NIBAN1: variants seen among roughly 807,000 people sequenced by gnomAD.
The protein encoded by NIBAN1 is niban apoptosis regulator 1.
In NIBAN1, 81 loss-of-function variants were observed where a neutral mutation model predicts 75.1. That is an observed-to-expected ratio of 1.08 (90% CI 0.90 to 1.30). The LOEUF is 1.30. Among genes scored for constraint, NIBAN1 ranks in the 50% most tolerant of loss-of-function variants. The pLI is 0.00. For missense variants in NIBAN1, 1,133 were observed against 1,128.1 expected (o/e 1.00, Z -0.06); for synonymous variants, 436 against 424.8 (o/e 1.03, Z -0.32).
chr1:184,910,206 A>T (rs1571566437), intron 1 of NIBAN1, among the ~76,000 whole-genome samples: 1 of 152,150 alleles, frequency 6.6e-6, no homozygotes, highest in South Asian at 2.1e-4. Flanking sequence ...ATGAAGTAGA[A>T]CTGTAAATAA....
Position 184,795,946 on chromosome 1 carries a change from T to A in NIBAN1, c.1818A>T (p.Pro606=), listed in dbSNP as rs1653849135. The A allele has an allele frequency of 6.2e-7, 1 of 1,614,074 alleles. No individual in the cohort carries two copies. The highest frequency in any genetic ancestry group is 8.5e-7 in the Non-Finnish European group (1 of 1,180,036). Residue 606 remains proline, a synonymous_variant, in exon 14 of 14, where the codon CCA becomes CCT. Coordinates refer to ENST00000367511, the MANE Select transcript of NIBAN1 (RefSeq NM_052966.4). ...TGAGGGTCTCACTACCCAGAACTCCTGGCAGAATGGCAGAAGCTCTCCTGG... is the reference window on the plus strand; with the variant it reads ...TGAGGGTCTCACTACCCAGAACTCCAGGCAGAATGGCAGAAGCTCTCCTGG... ...SPARRASAIL[P]GVLGSETLSN... is the part of the protein sequence containing the mutation.
At chr1:184,806,090 A>G (rs1272996780) in intron 10 of NIBAN1, 34 bp from the exon 11 acceptor site, 4 of 1,575,886 alleles carry the variant, frequency 2.5e-6, no homozygotes, top group Non-Finnish European at 3.5e-6. Flanking sequence ...AACAGACAAC[A>G]GTCAGGGGCT....
In NIBAN1 at chr1:184,803,753, C is replaced by A. The variant is rs1028859316; in HGVS notation, c.1447-61G>T. ...TACAATCTGTTGACTTATGTTTACT[C>A]AAAAAACTCAGCCACCCACTTCACC... On this transcript the variant is annotated intron_variant, in intron 11 of 13. Coordinates refer to ENST00000367511, the MANE Select transcript of NIBAN1 (RefSeq NM_052966.4). 108 of 1,480,048 alleles carry A rather than the reference C, an allele frequency of 7.3e-5. No individual in the cohort carries two copies. In the African/African-American group the frequency reaches 1.4e-3, roughly 19 times the overall value. 91.7% of individuals were successfully genotyped at this position (1,480,048 alleles called of 1,614,324 possible).
chr1:184,903,009 G>A (rs1250734063), intron 1 of NIBAN1, among the ~76,000 whole-genome samples: 2 of 152,176 alleles, frequency 1.3e-5, no homozygotes, highest in Non-Finnish European at 2.9e-5. Flanking sequence ...GCCCACAGGG[G>A]CCACACAAAA....
intron 8 of NIBAN1, among the ~76,000 whole-genome samples, chr1:184,822,377 C>T (rs1465980677): frequency 2.0e-5 from 3 of 152,164 alleles, no homozygotes; most frequent in African/African-American, 7.2e-5. Context: ...AATATTTGTG[C>T]CTTTGTGGTC....
chr1:184,829,744 G>A lies in NIBAN1; in HGVS notation c.717+2103C>T, dbSNP rs144241688. Among the ~76,000 whole-genome samples the A allele has an allele frequency of 2.0e-3, 299 of 152,240 alleles. 3 individuals carry two copies. Among genetic ancestry groups the A allele is most frequent in the African/African-American group, 7.0e-3 (290 of 41,558 alleles). ...GCCTCCCAAAGTGCTAAGATTACAA[G>A]CGTGAGCCACTGCGCCTGGCCTAAA... On this transcript the variant is annotated intron_variant, in intron 6 of 13. Transcript: ENST00000367511.
chr1:184,895,977 G>T (rs564545116), intron 2 of NIBAN1, among the ~76,000 whole-genome samples: 1 of 152,230 alleles, frequency 6.6e-6, no homozygotes, highest in African/African-American at 2.4e-5. Context: ...GCACACTTAG[G>T]TTGGTTCCAT....
chr1:184,810,910 G>A (rs938086882), intron 9 of NIBAN1, among the ~76,000 whole-genome samples: 7 of 152,204 alleles, frequency 4.6e-5, no homozygotes, highest in Non-Finnish European at 1.0e-4. Flanking sequence ...TCCCAGGAGC[G>A]CTGAGTGAAC....
intron 6 of NIBAN1, among the ~76,000 whole-genome samples, chr1:184,830,122 G>T (rs1571500131): frequency 6.6e-6 from 1 of 152,220 alleles, no homozygotes; most frequent in African/African-American, 2.4e-5. Context: ...TCACTTAGCT[G>T]TTATATGCTT....
At chr1:184,852,978 T>C (rs749842572) in intron 5 of NIBAN1, among the ~76,000 whole-genome samples, 5 of 152,196 alleles carry the variant, frequency 3.3e-5, no homozygotes, top group Non-Finnish European at 7.3e-5. Flanking sequence ...GTTATTTCCA[T>C]TGGACTTACC....
At chr1:184,814,149 T>G (rs1282279418) in intron 9 of NIBAN1, among the ~76,000 whole-genome samples, 1 of 152,164 alleles carries the variant, frequency 6.6e-6, no homozygotes, top group Non-Finnish European at 1.5e-5. Context: ...TTATAAAAAA[T>G]TAACTGTAAG....
chr1:184,814,532 T>C (rs1490179771), intron 9 of NIBAN1, among the ~76,000 whole-genome samples: 1 of 152,218 alleles, frequency 6.6e-6, no homozygotes, highest in Non-Finnish European at 1.5e-5. Context: ...TCATGCTACA[T>C]TCATTGGGTC....
chr1:184,886,383 T>C (rs1054161196), intron 4 of NIBAN1, among the ~76,000 whole-genome samples: 1 of 152,192 alleles, frequency 6.6e-6, no homozygotes, highest in East Asian at 1.9e-4. Flanking sequence ...GCAGACTGCA[T>C]CTTCCATAGC....
At chr1:184,872,530 A>G (rs1258190388) in intron 5 of NIBAN1, among the ~76,000 whole-genome samples, 2 of 152,138 alleles carry the variant, frequency 1.3e-5, no homozygotes, top group Admixed American at 6.5e-5. Flanking sequence ...ACATGGTGAA[A>G]CCCCATCTCT....
At chr1:184,883,628 T>C (rs1352280531) in intron 5 of NIBAN1, among the ~76,000 whole-genome samples, 1 of 152,194 alleles carries the variant, frequency 6.6e-6, no homozygotes, top group Non-Finnish European at 1.5e-5. Context: ...GGAGGCAAAG[T>C]GGCCTGAAGC....
chr1:184,908,770 C>T (rs920467239), intron 1 of NIBAN1, among the ~76,000 whole-genome samples: 19 of 152,150 alleles, frequency 1.2e-4, no homozygotes, highest in African/African-American at 4.3e-4. Context: ...TCTCATGATA[C>T]ATCTGATGAG....
chr1:184,816,691 A>T (rs951866103), intron 9 of NIBAN1, among the ~76,000 whole-genome samples: 2 of 152,114 alleles, frequency 1.3e-5, no homozygotes, highest in South Asian at 2.1e-4. Context: ...GTTCCAGCAT[A>T]AGAAGGTACT....
At position 184,927,022 on chromosome 1, in the gene NIBAN1, T is replaced by C. The variant is rs191193735; in HGVS notation, c.56-27713A>G. On this transcript the variant is annotated intron_variant, in intron 1 of 13. Transcript: ENST00000367511. ...TTAATTCTTTTTACTTATTTAAATA[T>C]CTTTGTTAAATTTATCTGATAGGAT... Among the ~76,000 whole-genome samples the C allele has an allele frequency of 1.6e-3, 240 of 152,346 alleles. 1 individual carries two copies. The highest frequency in any genetic ancestry group is 2.9e-3 in the Non-Finnish European group (199 of 68,038).
At chr1:184,843,128 A>G (rs918286315) in intron 5 of NIBAN1, among the ~76,000 whole-genome samples, 4 of 152,228 alleles carry the variant, frequency 2.6e-5, no homozygotes, top group African/African-American at 9.6e-5. Context: ...AGGAATCAAC[A>G]CTTCAGGTGG....
Sources: allele counts gnomAD v4.1 joint callset (sites outside exome capture counted in the v4.1 genomes callset), GRCh38; gene constraint gnomAD v4.1.1; transcripts MANE v1.5; gene names NCBI Gene and HGNC (gene_info 2026-07-23, HGNC 2026-07-21).